Variants in ATPAF1 observed in about 807,000 individuals in gnomAD.
ATPAF1 encodes ATP synthase mitochondrial F1 complex assembly factor 1.
In ATPAF1, 26 loss-of-function variants were observed where a neutral mutation model predicts 43.9. The observed-to-expected ratio is 0.59, with a 90% CI of 0.43 to 0.82. The LOEUF (loss-of-function observed/expected upper bound fraction) is 0.82, where lower values mean the gene tolerates loss of function less well. Ranked by LOEUF, ATPAF1 falls within the 40% of genes least tolerant of loss-of-function variation. ATPAF1 has a pLI of 0.00. For missense variants in ATPAF1, 366 were observed against 435.0 expected (o/e 0.84, Z 1.41); for synonymous variants, 157 against 168.0 (o/e 0.93, Z 0.50).
intron 8 of ATPAF1, among the ~76,000 whole-genome samples, chr1:46,637,143 C>T (rs2148813322): frequency 6.6e-6 from 1 of 152,238 alleles, no homozygotes; most frequent in African/African-American, 2.4e-5. Context: ...AGCAAAGGCC[C>T]AGGGAAGAGA....
chr1:46,654,532 TTA>T (rs1553218327), intron 4 of ATPAF1, among the ~76,000 whole-genome samples: 17 of 123,924 alleles, frequency 1.4e-4, no homozygotes, highest in Non-Finnish European at 2.5e-4. Context: ...TATTTATTTA[TTA>T]TTATTATTAT....
chr1:46,657,117 A>T (rs1676287259), intron 4 of ATPAF1, among the ~76,000 whole-genome samples: 1 of 152,186 alleles, frequency 6.6e-6, no homozygotes, highest in Non-Finnish European at 1.5e-5. Context: ...CAGTTTCCTC[A>T]ACTGTAAACT....
chr1:46,654,148 A>G (rs1190319228), intron 4 of ATPAF1, among the ~76,000 whole-genome samples: 1 of 152,182 alleles, frequency 6.6e-6, no homozygotes, highest in Non-Finnish European at 1.5e-5. Flanking sequence ...TGTGTGTGAT[A>G]GACAACTTCT....
chr1:46,649,603 G>A (rs370384553), intron 6 of ATPAF1, among the ~76,000 whole-genome samples: 11 of 152,216 alleles, frequency 7.2e-5, no homozygotes, highest in Non-Finnish European at 1.2e-4. Flanking sequence ...TTCATCTAGA[G>A]ACCAATTAGG....
At chr1:46,652,414 G>A in intron 6 of ATPAF1, 167 bp downstream of exon 6, 2 of 600,470 alleles carry the variant, frequency 3.3e-6, no homozygotes, top group Non-Finnish European at 5.6e-6. Context: ...TCTTTATTAA[G>A]TAAACAGAGC....
At chr1:46,643,927 A>G (rs1675992062) in intron 7 of ATPAF1, among the ~76,000 whole-genome samples, 1 of 152,216 alleles carries the variant, frequency 6.6e-6, no homozygotes, top group Non-Finnish European at 1.5e-5. Context: ...GCCCCTACAT[A>G]GCACAGGTGG....
At chr1:46,658,306 T>C (rs1676315231) in intron 3 of ATPAF1, 117 bp from the exon 4 acceptor site, 4 of 859,216 alleles carry the variant, frequency 4.7e-6, no homozygotes, top group Non-Finnish European at 7.3e-6. Flanking sequence ...TTTCCAAAAG[T>C]AGAAAACAAG....
intron 6 of ATPAF1, among the ~76,000 whole-genome samples, chr1:46,650,093 C>A (rs1350478451): frequency 1.3e-5 from 2 of 152,158 alleles, no homozygotes; most frequent in Admixed American, 1.3e-4. Context: ...TCCACCCCAC[C>A]TATTCCTTTT....
At chr1:46,658,846 C>T (rs1483310928) in intron 2 of ATPAF1, 109 bp from the exon 3 acceptor site, 1 of 588,714 alleles carries the variant, frequency 1.7e-6, no homozygotes, top group Middle Eastern at 2.8e-4. Context: ...TGTGAGAACT[C>T]ACTTCTCTCC....
intron 4 of ATPAF1, among the ~76,000 whole-genome samples, chr1:46,657,578 A>G (rs1380228115): frequency 6.6e-6 from 1 of 152,216 alleles, no homozygotes; most frequent in Non-Finnish European, 1.5e-5. Flanking sequence ...AACTCATTTA[A>G]TTATCCAAAT....
At chr1:46,643,656 C>T (rs1933932) in intron 7 of ATPAF1, among the ~76,000 whole-genome samples, 140,595 of 152,304 alleles carry the variant, frequency 0.92, 65,597 homozygotes, top group Non-Finnish European at 1. Context: ...TTGCCACTTT[C>T]ATGGACTAGT....
chr1:46,656,597 C>T (rs1374836357), intron 4 of ATPAF1, among the ~76,000 whole-genome samples: 1 of 152,182 alleles, frequency 6.6e-6, no homozygotes, highest in Non-Finnish European at 1.5e-5. Flanking sequence ...TGAATCAAAA[C>T]TGAAATTCAT....
At chr1:46,644,762 C>G (rs1197355430) in intron 7 of ATPAF1, among the ~76,000 whole-genome samples, 1 of 151,804 alleles carries the variant, frequency 6.6e-6, no homozygotes, top group African/African-American at 2.4e-5. Context: ...AAACTATTCA[C>G]TTAGCATGTT....
intron 2 of ATPAF1, chr1:46,664,885 A>G (rs1676461025): frequency 9.7e-6 from 2 of 205,422 alleles, no homozygotes; most frequent in South Asian, 2.2e-4. Flanking sequence ...TCTACATCAA[A>G]GTCCCATTCC....
intron 6 of ATPAF1, among the ~76,000 whole-genome samples, chr1:46,646,895 A>G (rs1454750222): frequency 6.6e-6 from 1 of 152,192 alleles, no homozygotes; most frequent in Non-Finnish European, 1.5e-5. Context: ...GCTTTCTGCC[A>G]CTATAGGTTA....
At position 46,658,112 on chromosome 1, in the gene ATPAF1, A is replaced by C; in HGVS notation, c.489+15T>G. On this transcript the variant is annotated intron_variant, in intron 4 of 8. Coordinates refer to ENST00000574428, the Ensembl canonical transcript of ATPAF1. ...ACATTTTCATAGAGTAGGCCAGCCC[A>C]TTTCCATTCATTACCTGTTTTATTT... The C allele has an allele frequency of 6.2e-7, 1 of 1,607,404 alleles. No individual in the cohort carries two copies. Among genetic ancestry groups the C allele is most frequent in the Non-Finnish European group, 8.5e-7 (1 of 1,176,712 alleles).
In ATPAF1 at chr1:46,643,345, C is replaced by A. The variant is rs536871523; in HGVS notation, c.685-44G>T. On this transcript the variant is annotated intron_variant, in intron 7 of 8. Transcript: ENST00000574428. ...ATCAAGGCTCAATAAGGTACCATCA[C>A]AACAAACTGCAATTTCAAAGCAATA... The A allele has an allele frequency of 4.2e-6, 6 of 1,439,384 alleles. No homozygotes were observed. In the Admixed American group the frequency reaches 9.3e-5, roughly 22 times the overall value. The allele number at this position is 1,439,384 out of a possible 1,614,324, so 89.2% of individuals were successfully genotyped here.
At chr1:46,645,093 A>T in intron 7 of ATPAF1, 68 bp downstream of exon 7, 1 of 1,090,634 alleles carries the variant, frequency 9.2e-7, no homozygotes, top group Non-Finnish European at 1.3e-6. Context: ...CTTGAGCCTC[A>T]GCAAGGGTTT....
intron 2 of ATPAF1, among the ~76,000 whole-genome samples, chr1:46,661,005 T>C (rs1035390313): frequency 6.6e-6 from 1 of 151,874 alleles, no homozygotes; most frequent in African/African-American, 2.4e-5. Flanking sequence ...ATGCAACTAC[T>C]ATATAACTTG....
Sources: allele counts gnomAD v4.1 joint callset (sites outside exome capture counted in the v4.1 genomes callset), GRCh38; gene constraint gnomAD v4.1.1; transcripts MANE v1.5; gene names NCBI Gene and HGNC (gene_info 2026-07-23, HGNC 2026-07-21).